The following LRP12 variants were observed in gnomAD, a reference collection of about 807,000 sequenced individuals.
LRP12 encodes the protein low-density lipoprotein receptor-related protein 12.
A neutral mutation model predicts 66.0 loss-of-function variants in LRP12; 14 were observed. The observed-to-expected ratio is 0.21, with a 90% CI of 0.14 to 0.33. The LOEUF is 0.33. Ranked by LOEUF, LRP12 falls within the 10% of genes least tolerant of loss-of-function variation. The pLI is 1.00. For synonymous variants in LRP12, 357 were observed against 359.1 expected, an observed-to-expected ratio of 0.99 and a Z score of 0.07; for missense variants, 889 against 1,053.4, an observed-to-expected ratio of 0.84 and a Z score of 2.16.
chr8:104,555,014 C>T (rs751345648), intron 1 of LRP12, among the ~76,000 whole-genome samples: 12 of 152,134 alleles, frequency 7.9e-5, no homozygotes, highest in Non-Finnish European at 1.6e-4. Context: ...AATTCTGTAT[C>T]CAGCAAAACT....
At position 104,589,072 on chromosome 8, in the gene LRP12, GCTCCCTC is replaced by G. The variant is rs918764738; in HGVS notation, c.-182_-176del. 150 of 297,848 alleles carry G rather than the reference GCTCCCTC, an allele frequency of 5.0e-4. No homozygotes were observed. The highest frequency in any genetic ancestry group is 2.2e-3 in the African/African-American group (98 of 44,888). 18.5% of individuals were successfully genotyped at this position (297,848 alleles called of 1,614,324 possible). A position where few individuals can be genotyped will look rare whatever the true frequency, so the allele number is the denominator to read the frequency against. ...GGAGGGGCCGCCGCCGCCCGCGCGC[GCTCCCTC>G]CTCCCTCCTCCCTCCGGCTCGCCTG... On this transcript the variant is annotated 5_prime_UTR_variant, in exon 1 of 7. Transcript: ENST00000276654.
At chr8:104,579,639 A>G (rs1008890515) in intron 1 of LRP12, among the ~76,000 whole-genome samples, 7 of 152,218 alleles carry the variant, frequency 4.6e-5, no homozygotes, top group African/African-American at 1.7e-4. Context: ...CTAAGCAAAC[A>G]GAAGAAAGCT....
At chr8:104,527,477 A>G (rs1445868372) in intron 2 of LRP12, among the ~76,000 whole-genome samples, 1 of 151,058 alleles carries the variant, frequency 6.6e-6, no homozygotes, top group African/African-American at 2.4e-5. Flanking sequence ...TGTGGCACAT[A>G]TACACCATGG....
chr8:104,567,867 A>G (rs1329571822), intron 1 of LRP12, among the ~76,000 whole-genome samples: 2 of 152,214 alleles, frequency 1.3e-5, no homozygotes, highest in Non-Finnish European at 2.9e-5. Context: ...TACAGATTCC[A>G]TGCAATCCCT....
rs529849691 is a variant in LRP12, at chr8:104,551,489, A to C, written c.80-19526T>G. On this transcript the variant is annotated intron_variant, in intron 1 of 6. Transcript: ENST00000276654. ...CACCCAGATAGTGAGCATAGTACCCAACAGGTAGTTTTTTAACCCACATCC... is the reference window on the plus strand; with the variant it reads ...CACCCAGATAGTGAGCATAGTACCCCACAGGTAGTTTTTTAACCCACATCC... 1.3e-4 allele frequency among the ~76,000 whole-genome samples: 20 copies of C among 152,214 alleles called. No individual in the cohort carries two copies. In the South Asian group the frequency reaches 1.7e-3, roughly 13 times the overall value.
At chr8:104,531,314 A>T (rs1811321901) in intron 2 of LRP12, among the ~76,000 whole-genome samples, 1 of 152,164 alleles carries the variant, frequency 6.6e-6, no homozygotes, top group Non-Finnish European at 1.5e-5. Context: ...GTGGCCTAAG[A>T]ATAAAAATTT....
intron 1 of LRP12, among the ~76,000 whole-genome samples, chr8:104,548,293 AT>A (rs1811648900): frequency 1.5e-5 from 1 of 66,962 alleles, no homozygotes; most frequent in African/African-American, 8.8e-5. Context: ...TATATCATAT[AT>A]TTATATAATA....
chr8:104,577,292 G>C (rs1416591292), intron 1 of LRP12, among the ~76,000 whole-genome samples: 1 of 152,136 alleles, frequency 6.6e-6, no homozygotes, highest in Non-Finnish European at 1.5e-5. Context: ...CTCATTGCCA[G>C]ATGGCACGTA....
chr8:104,500,390 G>A (rs73295103), intron 3 of LRP12, among the ~76,000 whole-genome samples: 2,574 of 152,218 alleles, frequency 0.017, 72 homozygotes, highest in African/African-American at 0.058. Flanking sequence ...TTGTTTCCAG[G>A]TTTGCACTAT....
intron 6 of LRP12, among the ~76,000 whole-genome samples, chr8:104,494,822 T>C (rs981856528): frequency 6.6e-6 from 1 of 152,330 alleles, no homozygotes; most frequent in East Asian, 1.9e-4. Flanking sequence ...CTTAATACTT[T>C]TGAATTATAA....
At position 104,497,623 on chromosome 8, in the gene LRP12, C is replaced by A. The variant is rs1184697104; in HGVS notation, c.929G>T (p.Gly310Val). The change falls in exon 5 of 7, where the codon GGT becomes GTT. Residue 310 changes from glycine (G) to valine (V), a missense_variant. This residue lies in a region of LRP12 where 800 missense variants were observed against 964.5 expected (regional missense o/e 0.83). Coordinates refer to ENST00000276654, the MANE Select transcript of LRP12 (RefSeq NM_013437.5). This position sits in a 1 kb window ranked among gnomAD's most constrained non-coding sequence, Gnocchi z 4.3. ...ATATATTTTGACATAATCACCATAA[C>A]CAGTACCATCAAGTTTAAAGTCAGT... ...RFTDFKLDGT[G>V]YGDYVKIYDG... 8 of 1,613,930 alleles carry A rather than the reference C, an allele frequency of 5.0e-6. No individual in the cohort carries two copies. The highest frequency in any genetic ancestry group is 6.8e-6 in the Non-Finnish European group (8 of 1,180,010).
intron 1 of LRP12, among the ~76,000 whole-genome samples, chr8:104,546,045 C>T (rs1470679423): frequency 1.3e-5 from 2 of 152,124 alleles, no homozygotes; most frequent in African/African-American, 2.4e-5. Flanking sequence ...GTATATTGGA[C>T]TAATAAAGGT....
At chr8:104,500,403 T>C (rs866682156) in intron 3 of LRP12, among the ~76,000 whole-genome samples, 2 of 152,182 alleles carry the variant, frequency 1.3e-5, no homozygotes, top group South Asian at 2.1e-4. Context: ...TGCACTATTA[T>C]GAACTATGCT....
At chr8:104,524,612 G>A (rs1000006749) in intron 2 of LRP12, among the ~76,000 whole-genome samples, 1 of 152,108 alleles carries the variant, frequency 6.6e-6, no homozygotes. Context: ...AAGAGCAGGA[G>A]ATAAAATTAG....
intron 1 of LRP12, among the ~76,000 whole-genome samples, chr8:104,572,299 G>A (rs1812092689): frequency 6.6e-6 from 1 of 152,150 alleles, no homozygotes; most frequent in Non-Finnish European, 1.5e-5. Context: ...GTTTTCTGGG[G>A]GTGATGAACT....
intron 2 of LRP12, among the ~76,000 whole-genome samples, chr8:104,525,703 T>C (rs1811224102): frequency 6.6e-6 from 1 of 152,168 alleles, no homozygotes; most frequent in African/African-American, 2.4e-5. Flanking sequence ...ATAAGAGCTA[T>C]GACAAACCCA....
chr8:104,579,185 T>C (rs776527692), intron 1 of LRP12, among the ~76,000 whole-genome samples: 16 of 152,220 alleles, frequency 1.1e-4, no homozygotes, highest in Middle Eastern at 6.8e-3. Flanking sequence ...GAAAACCCCA[T>C]AGTCTCGGGC....
intron 1 of LRP12, among the ~76,000 whole-genome samples, chr8:104,576,386 C>A (rs866712382): frequency 1.2e-4 from 18 of 151,864 alleles, no homozygotes; most frequent in African/African-American, 9.7e-5. Context: ...AGGTCACCTA[C>A]AAAGGGAAGT....
At chr8:104,534,374 T>TA (rs1811366863) in intron 1 of LRP12, among the ~76,000 whole-genome samples, 1 of 151,970 alleles carries the variant, frequency 6.6e-6, no homozygotes, top group African/African-American at 2.4e-5. Flanking sequence ...GAACTGGAAT[T>TA]AGAGAGGAAG....
Sources: gnomAD v4.1 joint callset for allele counts (sites outside exome capture counted in the v4.1 genomes callset) on GRCh38, gnomAD v4.1.1 for gene constraint, gnomAD v4.1.1 regional missense constraint, Gnocchi (gnomAD v3.1) non-coding constraint, MANE v1.5 for transcripts, NCBI Gene and HGNC (gene_info 2026-07-23, HGNC 2026-07-21) for gene names.